Variants in LRRC4C observed in about 807,000 individuals in gnomAD.
The protein encoded by LRRC4C is leucine rich repeat containing 4C, also known as leucine-rich repeat-containing protein 4C.
In LRRC4C, 5 loss-of-function variants were observed where a neutral mutation model predicts 33.6. That is an observed-to-expected ratio of 0.15 (90% CI 0.08 to 0.31). The LOEUF (loss-of-function observed/expected upper bound fraction) is 0.31, where lower values mean the gene tolerates loss of function less well. Ranked by LOEUF, LRRC4C falls within the 10% of genes least tolerant of loss-of-function variation. The pLI, the probability that LRRC4C is intolerant of heterozygous loss-of-function variation, is 1.00. For missense variants in LRRC4C, 560 were observed against 796.7 expected (o/e 0.70, Z 3.58); for synonymous variants, 329 against 302.0 (o/e 1.09, Z -0.93).
At chr11:41,363,137 C>A (rs964406520) in intron 1 of LRRC4C, among the ~76,000 whole-genome samples, 2 of 152,120 alleles carry the variant, frequency 1.3e-5, no homozygotes, top group Admixed American at 6.5e-5. Context: ...AAAGGATCTC[C>A]TTTGTTTCTC....
Position 40,224,353 on chromosome 11 carries a change from T to C in LRRC4C, c.-96+17166A>G, listed in dbSNP as rs372380494. ...CAACTTGGGCTTTATTTAATAACTT[T>C]TAATCTATCTGTATATGCCCCAAAT... is the stretch of plus-strand genomic sequence containing the variant. On this transcript the variant is annotated intron_variant, in intron 5 of 6. Transcript: ENST00000528697. Among the ~76,000 whole-genome samples, 84 of 152,346 alleles carry C rather than the reference T, an allele frequency of 5.5e-4. 1 individual carries two copies. In the South Asian group the frequency reaches 0.011, roughly 20 times the overall value.
At chr11:41,180,826 G>A (rs1390275483) in intron 1 of LRRC4C, among the ~76,000 whole-genome samples, 4 of 151,496 alleles carry the variant, frequency 2.6e-5, no homozygotes, top group Admixed American at 6.6e-5. Context: ...TTCTGCTATC[G>A]AAAAATCCCT....
chr11:41,443,596 TTCTC>T (rs1187510727), intron 1 of LRRC4C, among the ~76,000 whole-genome samples: 4 of 151,774 alleles, frequency 2.6e-5, no homozygotes, highest in African/African-American at 7.3e-5. Flanking sequence ...TTCTTTTCTT[TTCTC>T]TCTTTCTTTT....
At position 41,016,847 on chromosome 11, in the gene LRRC4C, C is replaced by T. The variant is rs958155050; in HGVS notation, c.-495-83124G>A. On this transcript the variant is annotated intron_variant, in intron 1 of 6. Coordinates refer to ENST00000528697, the MANE Select transcript of LRRC4C (RefSeq NM_001258419.2). The stretch of plus-strand genomic sequence containing the variant: ...TTTTCTTCCAGAGGAGACACCTGCC[C>T]CTAACAGTCTCCAGAAATGGCATCA... Among the ~76,000 whole-genome samples, 8 of 152,214 alleles carry T rather than the reference C, an allele frequency of 5.3e-5. No homozygotes were observed. In the East Asian group the frequency reaches 1.4e-3, roughly 26 times the overall value.
intron 2 of LRRC4C, among the ~76,000 whole-genome samples, chr11:40,920,924 G>GTTTTTTTT (rs35422765): frequency 6.9e-6 from 1 of 145,206 alleles, no homozygotes; most frequent in Non-Finnish European, 1.5e-5. Flanking sequence ...CATAATCAAG[G>GTTTTTTTT]TTTTTTTTTT....
At chr11:40,359,680 G>A (rs1240175269) in intron 3 of LRRC4C, among the ~76,000 whole-genome samples, 1 of 152,132 alleles carries the variant, frequency 6.6e-6, no homozygotes, top group Non-Finnish European at 1.5e-5. Context: ...TGGATTCCCA[G>A]TTGCTACAGG....
chr11:40,608,943 C>T (rs10837444), intron 3 of LRRC4C, among the ~76,000 whole-genome samples: 65,751 of 151,940 alleles, frequency 0.43, 15,298 homozygotes, highest in Middle Eastern at 0.57. Flanking sequence ...ATTGACGGAA[C>T]TGACAGGAGA....
rs1958291440 is a variant in LRRC4C at position 40,578,140 on chromosome 11, GGTTTTTT to G, written c.-270+69995_-270+70001del. On this transcript the variant is annotated intron_variant, in intron 3 of 6. Transcript: ENST00000528697. ...TGATATTATTGGACTTTTTTTTTTC[GGTTTTTT>G]TTTTTTTTTTTTTTTTTTTTTTTGC... 3.2e-4 allele frequency among the ~76,000 whole-genome samples: 13 copies of G among 40,570 alleles called. 4 individuals carry two copies. The highest frequency in any genetic ancestry group is 9.9e-4 in the African/African-American group (7 of 7,096). The allele number at this position is 40,570 out of a possible 152,430, so 26.6% of individuals were successfully genotyped here.
At chr11:41,439,289 T>C (rs751263688) in intron 1 of LRRC4C, among the ~76,000 whole-genome samples, 2 of 152,208 alleles carry the variant, frequency 1.3e-5, no homozygotes, top group Non-Finnish European at 2.9e-5. Flanking sequence ...TTGATGGACA[T>C]TTAGGTTGAT....
At chr11:40,892,134 CAAA>C (rs58855313) in intron 2 of LRRC4C, among the ~76,000 whole-genome samples, 3 of 113,970 alleles carry the variant, frequency 2.6e-5, no homozygotes, top group Admixed American at 9.8e-5. Flanking sequence ...GATTGTGTCT[CAAA>C]AAAAAAAAAA....
intron 1 of LRRC4C, among the ~76,000 whole-genome samples, chr11:41,262,157 A>G (rs1271128588): frequency 1.3e-5 from 2 of 152,112 alleles, no homozygotes; most frequent in African/African-American, 2.4e-5. Flanking sequence ...AAAGGCTGGC[A>G]TACTATGGTC....
chr11:40,213,197 A>G (rs1863731644), intron 5 of LRRC4C, among the ~76,000 whole-genome samples: 1 of 152,168 alleles, frequency 6.6e-6, no homozygotes, highest in Non-Finnish European at 1.5e-5. Context: ...TTAGAGCAGC[A>G]AAGTTTGGAA....
intron 2 of LRRC4C, among the ~76,000 whole-genome samples, chr11:40,725,779 G>A (rs1947264151): frequency 6.6e-6 from 1 of 152,098 alleles, no homozygotes. Flanking sequence ...TAAAAATGAA[G>A]TAGCCAAGCC....
Position 40,499,730 on chromosome 11 carries a change from C to A in LRRC4C, c.-270+148412G>T, listed in dbSNP as rs983305451. 3.9e-5 allele frequency among the ~76,000 whole-genome samples: 6 copies of A among 151,994 alleles called. No homozygotes were observed. In the South Asian group the frequency reaches 8.3e-4, roughly 21 times the overall value. ...TATAAACTAACATGTTAAAAAGACA[C>A]CAAAGGATTGATTTGAAGGAAAGCC... On this transcript the variant is annotated intron_variant, in intron 3 of 6. Transcript: ENST00000528697.
rs1946827488 is a variant in LRRC4C, at chr11:40,718,158, T to C, written c.-406-69880A>G. 2.0e-5 allele frequency among the ~76,000 whole-genome samples: 3 copies of C among 152,318 alleles called. No homozygotes were observed. In the South Asian group the frequency reaches 6.2e-4, roughly 32 times the overall value. On this transcript the variant is annotated intron_variant, in intron 2 of 6. Transcript: ENST00000528697. ...CTGAAGAATTTCAAATAAATTGGTA[T>C]GCCTGCATAACACAGGGCAGTGGCC...
intron 3 of LRRC4C, among the ~76,000 whole-genome samples, chr11:40,427,943 C>T (rs974214697): frequency 3.9e-5 from 6 of 152,158 alleles, no homozygotes; most frequent in African/African-American, 1.4e-4. Flanking sequence ...CTCTATGCTT[C>T]TTTCAAAAAT....
At chr11:40,417,794 A>G (rs1950382671) in intron 3 of LRRC4C, among the ~76,000 whole-genome samples, 1 of 152,164 alleles carries the variant, frequency 6.6e-6, no homozygotes, top group Non-Finnish European at 1.5e-5. Context: ...TGATGAAATG[A>G]TCTCCATTTC....
chr11:41,138,112 T>G (rs558833089), intron 1 of LRRC4C, among the ~76,000 whole-genome samples: 2 of 152,324 alleles, frequency 1.3e-5, no homozygotes, highest in East Asian at 1.9e-4. Flanking sequence ...CTGTTGCATA[T>G]TTTGTGAGTT....
intron 3 of LRRC4C, among the ~76,000 whole-genome samples, chr11:40,590,481 C>T: frequency 6.6e-6 from 1 of 152,026 alleles, no homozygotes; most frequent in East Asian, 1.9e-4. Context: ...CTCAGCTCGT[C>T]AAAGTCATTC....
Sources: gnomAD v4.1 joint callset for allele counts (sites outside exome capture counted in the v4.1 genomes callset) on GRCh38, gnomAD v4.1.1 for gene constraint, MANE v1.5 for transcripts, NCBI Gene and HGNC (gene_info 2026-07-23, HGNC 2026-07-21) for gene names.